The following VPS37A variants were observed in gnomAD, a reference collection of about 807,000 sequenced individuals.
The protein encoded by VPS37A is VPS37A subunit of ESCRT-I, also known as vacuolar protein sorting-associated protein 37A.
VPS37A carries 30 observed loss-of-function variants against 49.8 expected under a neutral mutation model. The ratio of observed to expected loss-of-function variants is 0.60; its 90% CI spans 0.45 to 0.82. The LOEUF is 0.82. Among genes scored for constraint, VPS37A ranks in the 40% least tolerant of loss-of-function variants. The pLI is 0.00. For missense variants in VPS37A, 593 were observed against 464.4 expected (o/e 1.28, Z -2.55); for synonymous variants, 195 against 160.6 (o/e 1.21, Z -1.62).
At chr8:17,283,757 A>G (rs1815326807) in intron 9 of VPS37A, among the ~76,000 whole-genome samples, 1 of 152,150 alleles carries the variant, frequency 6.6e-6, no homozygotes, top group Non-Finnish European at 1.5e-5. Context: ...CTTTGTTAGT[A>G]ACTTGACATG....
downstream of VPS37A, chr8:17,299,031 T>G (rs1816924804): frequency 6.6e-6 from 1 of 152,208 alleles, no homozygotes; most frequent in South Asian, 2.1e-4. Flanking sequence ...TGTGATACTT[T>G]GAGATCAGGC....
chr8:17,264,512 C>G (rs1406062026), intron 1 of VPS37A, among the ~76,000 whole-genome samples: 1 of 152,160 alleles, frequency 6.6e-6, no homozygotes, highest in South Asian at 2.1e-4. Flanking sequence ...AACTCCATTC[C>G]TTAGGATATC....
At chr8:17,271,530 C>G (rs377180191) in intron 4 of VPS37A, among the ~76,000 whole-genome samples, 1 of 151,890 alleles carries the variant, frequency 6.6e-6, no homozygotes, top group Admixed American at 6.6e-5. Flanking sequence ...GGCGTGAACC[C>G]GGGAGGAAGA....
At chr8:17,265,883 A>T (rs1393696357) in intron 1 of VPS37A, 24 bp from the exon 2 acceptor site, 1 of 1,612,946 alleles carries the variant, frequency 6.2e-7, no homozygotes, top group Non-Finnish European at 8.5e-7. Flanking sequence ...CTTTGGGTAA[A>T]TTTTTTAAAA....
chr8:17,262,441 C>G (rs1169918451), intron 1 of VPS37A, among the ~76,000 whole-genome samples: 1 of 152,022 alleles, frequency 6.6e-6, no homozygotes, highest in Non-Finnish European at 1.5e-5. Context: ...TTATTTAGCC[C>G]CAACAAATTC....
the VPS37A span, among the ~76,000 whole-genome samples, chr8:17,320,988 C>G: frequency 7.2e-5 from 10 of 139,638 alleles, no homozygotes; most frequent in African/African-American, 2.8e-4. Flanking sequence ...AGATAACATT[C>G]TCTTGCAGTC....
downstream of VPS37A, chr8:17,304,651 T>G: frequency 2.3e-6 from 2 of 859,812 alleles, no homozygotes; most frequent in East Asian, 5.3e-5. Flanking sequence ...AGCAGGTAAA[T>G]GTATCATCTT....
chr8:17,331,916 A>G, the VPS37A span, among the ~76,000 whole-genome samples: 1 of 152,164 alleles, frequency 6.6e-6, no homozygotes, highest in African/African-American at 2.4e-5. Flanking sequence ...CACTTTCATT[A>G]TTATAATTTT....
At chr8:17,279,830 T>C (rs549695311) in intron 6 of VPS37A, 198 bp from the exon 7 acceptor site, 1 of 673,380 alleles carries the variant, frequency 1.5e-6, no homozygotes, top group Admixed American at 2.1e-5. Context: ...CTGTCAAGAA[T>C]ATATTACAGA....
At chr8:17,307,468 G>A in the VPS37A span, among the ~76,000 whole-genome samples, 1 of 152,166 alleles carries the variant, frequency 6.6e-6, no homozygotes, top group South Asian at 2.1e-4. Flanking sequence ...CATTGTGGAA[G>A]TCAGTGTGGC....
At chr8:17,300,248 G>C (rs1246243613), downstream of VPS37A, 2 of 1,582,102 alleles carry the variant, frequency 1.3e-6, no homozygotes, top group Admixed American at 3.7e-5. Context: ...AACAATTTCA[G>C]GGGAAAAATC....
chr8:17,247,875 G>A, intron 1 of VPS37A: 3 of 656,566 alleles, frequency 4.6e-6, no homozygotes, highest in Non-Finnish European at 8.3e-6. Context: ...CACGTAGTCA[G>A]TCTTCTTGAG....
the VPS37A span, among the ~76,000 whole-genome samples, chr8:17,310,428 G>C: frequency 3.9e-5 from 6 of 152,262 alleles, no homozygotes; most frequent in African/African-American, 1.2e-4. Flanking sequence ...TTGACAACTC[G>C]AGACATTTTC....
At chr8:17,261,377 T>A (rs753920920) in intron 1 of VPS37A, among the ~76,000 whole-genome samples, 9 of 152,208 alleles carry the variant, frequency 5.9e-5, no homozygotes, top group Non-Finnish European at 1.3e-4. Context: ...GAATTTTTTG[T>A]TTTATCTTGG....
downstream of VPS37A, chr8:17,301,752 C>A: frequency 5.1e-6 from 1 of 196,706 alleles, no homozygotes; most frequent in Non-Finnish European, 1.0e-5. Context: ...CTCCCCTTTA[C>A]CAATTATAGA....
chr8:17,314,015 G>A, the VPS37A span, among the ~76,000 whole-genome samples: 4 of 152,150 alleles, frequency 2.6e-5, no homozygotes, highest in Non-Finnish European at 5.9e-5. Flanking sequence ...CCCTTTGAGT[G>A]AAAATGAAGA....
intron 4 of VPS37A, 59 bp downstream of exon 4, chr8:17,269,015 T>G: frequency 8.2e-7 from 1 of 1,215,092 alleles, no homozygotes; most frequent in Non-Finnish European, 1.1e-6. Context: ...TTAATCAAAA[T>G]ATAGTTTAAA....
chr8:17,251,703 G>A (rs1474745282), intron 1 of VPS37A, among the ~76,000 whole-genome samples: 1 of 152,174 alleles, frequency 6.6e-6, no homozygotes, highest in Non-Finnish European at 1.5e-5. Context: ...GCACACAGGA[G>A]ATGTAAACAG....
the VPS37A span, among the ~76,000 whole-genome samples, chr8:17,315,991 T>C: frequency 6.6e-6 from 1 of 152,200 alleles, no homozygotes; most frequent in Non-Finnish European, 1.5e-5. Context: ...CCATCCTGGG[T>C]GATGACAGAG....
Sources: gnomAD v4.1 joint callset for allele counts (sites outside exome capture counted in the v4.1 genomes callset) on GRCh38, gnomAD v4.1.1 for gene constraint, MANE v1.5 for transcripts, NCBI Gene and HGNC (gene_info 2026-07-23, HGNC 2026-07-21) for gene names.